The following UNC79 variants were observed in gnomAD, a reference collection of about 807,000 sequenced individuals.
UNC79 encodes unc-79 subunit of NALCN channel complex, also known as protein unc-79 homolog.
UNC79 carries 37 observed loss-of-function variants against 283.1 expected under a neutral mutation model. The ratio of observed to expected loss-of-function variants is 0.13; its 90% confidence interval spans 0.10 to 0.17. UNC79 has a LOEUF of 0.17. UNC79 is among the 10% of genes least tolerant of loss of function. The probability of loss-of-function intolerance (pLI) is 1.00; values close to 1 mark genes in which losing one functional copy is unlikely to be tolerated. For missense variants in UNC79, 2,272 were observed against 3,211.1 expected, an observed-to-expected ratio of 0.71 and a Z score of 7.07; for synonymous variants, 1,107 against 1,200.2, an observed-to-expected ratio of 0.92 and a Z score of 1.61.
exon 18 of UNC79, chr14:93,577,863 G>C: frequency 6.2e-7 from 1 of 1,614,104 alleles, no homozygotes; most frequent in South Asian, 1.1e-5. Flanking sequence ...CTCTGATCCT[G>C]GCCGACGAGT....
At chr14:93,442,223 TG>T (rs758750022) in intron 1 of UNC79, among the ~76,000 whole-genome samples, 9 of 152,162 alleles carry the variant, frequency 5.9e-5, no homozygotes, top group Non-Finnish European at 1.0e-4. Context: ...AAGTTCAAGA[TG>T]TTTTTTTAAT....
chr14:93,417,061 A>G (rs1484829684), intron 1 of UNC79, among the ~76,000 whole-genome samples: 3 of 152,250 alleles, frequency 2.0e-5, no homozygotes, highest in South Asian at 4.1e-4. Flanking sequence ...TGATCCTGTC[A>G]TTATGATGTT....
At chr14:93,550,514 CAAAA>C (rs1205210121) in intron 14 of UNC79, among the ~76,000 whole-genome samples, 2 of 19,194 alleles carry the variant, frequency 1.0e-4, no homozygotes, top group Non-Finnish European at 2.3e-4. Flanking sequence ...GACTCCGTAT[CAAAA>C]AAAAAAAAAA....
At chr14:93,646,805 T>C (rs144456316) in intron 35 of UNC79, among the ~76,000 whole-genome samples, 159 bp downstream of exon 38, 160 of 151,026 alleles carry the variant, frequency 1.1e-3, no homozygotes, top group African/African-American at 3.8e-3. Flanking sequence ...AGCCCGGGAG[T>C]TCAAGACCAT....
chr14:93,516,314 A>T (rs964590368), intron 7 of UNC79, among the ~76,000 whole-genome samples: 1 of 152,104 alleles, frequency 6.6e-6, no homozygotes, highest in East Asian at 1.9e-4. Context: ...TTTAATACAT[A>T]AAATTATGTA....
At chr14:93,339,579 G>A (rs904023979) in intron 1 of UNC79, among the ~76,000 whole-genome samples, 4 of 152,162 alleles carry the variant, frequency 2.6e-5, no homozygotes, top group Admixed American at 6.5e-5. Context: ...GATTACAGGC[G>A]TGAGCCACTG....
chr14:93,697,732 A>T (rs898984762), intron 47 of UNC79, among the ~76,000 whole-genome samples: 3 of 152,116 alleles, frequency 2.0e-5, no homozygotes, highest in Non-Finnish European at 2.9e-5. Flanking sequence ...CTGGCAGCAT[A>T]TTGAGACCCA....
intron 7 of UNC79, among the ~76,000 whole-genome samples, chr14:93,520,493 T>C (rs888121582): frequency 6.6e-6 from 1 of 151,908 alleles, no homozygotes; most frequent in Non-Finnish European, 1.5e-5. Context: ...TATTTCCCCC[T>C]TTTATTTCTT....
chr14:93,423,218 T>C (rs1387340136), intron 1 of UNC79, among the ~76,000 whole-genome samples: 3 of 151,776 alleles, frequency 2.0e-5, no homozygotes, highest in Non-Finnish European at 4.4e-5. Context: ...ATGTAAGAAA[T>C]TGAAGAAGGA....
At chr14:93,542,968 T>TA (rs1470523086) in intron 14 of UNC79, among the ~76,000 whole-genome samples, 3 of 151,440 alleles carry the variant, frequency 2.0e-5, no homozygotes, top group African/African-American at 7.3e-5. Flanking sequence ...TTTTTTTTTT[T>TA]TTGAAATGGG....
intron 4 of UNC79, among the ~76,000 whole-genome samples, chr14:93,478,843 A>G (rs899538939): frequency 1.3e-5 from 2 of 152,198 alleles, no homozygotes; most frequent in African/African-American, 2.4e-5. Flanking sequence ...CTGTAATAAC[A>G]ATTGGTAACC....
At chr14:93,439,920 A>G (rs936040335) in intron 1 of UNC79, among the ~76,000 whole-genome samples, 3 of 152,146 alleles carry the variant, frequency 2.0e-5, no homozygotes, top group Admixed American at 2.0e-4. Context: ...AATTTTAAAA[A>G]TTCCTCTGTT....
chr14:93,396,769 GTGTGTGTA>G (rs1209157620), intron 1 of UNC79, among the ~76,000 whole-genome samples: 2 of 140,944 alleles, frequency 1.4e-5, no homozygotes, highest in East Asian at 4.0e-4. Flanking sequence ...CAAAGGGCAT[GTGTGTGTA>G]TGTGTGTGTG....
In UNC79 at chr14:93,634,569, G is replaced by A. The variant is rs144991360; in HGVS notation, c.5717-2647G>A. 7 of 1,614,038 alleles carry A rather than the reference G, an allele frequency of 4.3e-6. No individual in the cohort carries two copies. In the African/African-American group the frequency reaches 9.3e-5, roughly 22 times the overall value. ...GGATCCCTGGGAGTTCTGACAATGA[G>A]CCAGTTAATGAAGCGGCAGCTGGAG... On this transcript the variant is annotated intron_variant, in intron 31 of 48. Coordinates refer to ENST00000555664, the Ensembl canonical transcript of UNC79.
chr14:93,658,777 A>C (rs1204285062), intron 38 of UNC79, among the ~76,000 whole-genome samples: 2 of 152,146 alleles, frequency 1.3e-5, no homozygotes, highest in Non-Finnish European at 2.9e-5. Flanking sequence ...GTCCTTTCAC[A>C]AATTGGTGCA....
At chr14:93,396,309 A>T (rs1329879360) in intron 1 of UNC79, among the ~76,000 whole-genome samples, 2 of 151,892 alleles carry the variant, frequency 1.3e-5, no homozygotes, top group Non-Finnish European at 2.9e-5. Context: ...CTATTTAGTG[A>T]GACATGATTC....
intron 48 of UNC79, among the ~76,000 whole-genome samples, chr14:93,705,347 CAAAAAAAAAAAA>C (rs71129656): frequency 6.9e-5 from 6 of 87,528 alleles, no homozygotes; most frequent in African/African-American, 1.4e-4. Context: ...CCCAGTCTCT[CAAAAAAAAAAAA>C]AAAAAAAAAA....
chr14:93,566,053 C>G lies in UNC79; in HGVS notation c.1756-5841C>G, dbSNP rs369837353. 7.9e-5 allele frequency among the ~76,000 whole-genome samples: 12 copies of G among 152,166 alleles called. No homozygotes were observed. The East Asian group carries it at 2.1e-3, about 27-fold the overall frequency. On this transcript the variant is annotated intron_variant, in intron 14 of 48. Transcript: ENST00000555664. ...ATAGCTTAGAGGGGTGGCAAGGAGTCTTGGGGAGGCTGGAGGAAAACTCCC... is the reference window on the plus strand; with the variant it reads ...ATAGCTTAGAGGGGTGGCAAGGAGTGTTGGGGAGGCTGGAGGAAAACTCCC...
chr14:93,423,003 C>T (rs1342214506), intron 1 of UNC79, among the ~76,000 whole-genome samples: 3 of 132,702 alleles, frequency 2.3e-5, no homozygotes, highest in African/African-American at 8.9e-5. Context: ...GTGGAGCTTG[C>T]AGTGAGTTGA....
Sources: allele counts gnomAD v4.1 joint callset (sites outside exome capture counted in the v4.1 genomes callset), GRCh38; gene constraint gnomAD v4.1.1; transcripts MANE v1.5; gene names NCBI Gene and HGNC (gene_info 2026-07-23, HGNC 2026-07-21).